Variants in ZNF469 observed in about 807,000 individuals in gnomAD.
ZNF469 encodes the protein zinc finger protein 469.
In ZNF469, 1 loss-of-function variant was observed where a neutral mutation model predicts 1.0. The ratio of observed to expected loss-of-function variants is 1.00; its 90% confidence interval spans 0.35 to 4.73. ZNF469 has a LOEUF of 4.73. Among genes scored for constraint, ZNF469 ranks in the 30% most tolerant of loss-of-function variants. ZNF469 has a pLI of 0.16. For synonymous variants in ZNF469, 2,703 were observed against 2,363.4 expected, an observed-to-expected ratio of 1.14 and a Z score of -4.17; for missense variants, 6,100 against 5,356.3, an observed-to-expected ratio of 1.14 and a Z score of -4.33.
the ZNF469 span, among the ~76,000 whole-genome samples, chr16:88,140,473 A>AGCCATGTGG: frequency 6.6e-6 from 1 of 151,240 alleles, no homozygotes; most frequent in African/African-American, 2.5e-5. Context: ...GGTAGCACGG[A>AGCCATGTGG]AAGTCAGTGA....
At chr16:88,256,886 T>TTTTCTTTTC in the ZNF469 span, among the ~76,000 whole-genome samples, 4 of 101,936 alleles carry the variant, frequency 3.9e-5, no homozygotes, top group Admixed American at 1.1e-4. Context: ...TTTTCTTTTC[T>TTTTCTTTTC]TTTCTTTCCT....
At position 88,424,084 on chromosome 16, in the gene ZNF469, G is replaced by C. The variant is rs1329753186; in HGVS notation, c.-191-723G>C. ...GACGCAGCTAGGCCCACAGCGTTTG[G>C]AGCACAGGCTGTCGCCATGTGGTGA... is the stretch of plus-strand genomic sequence containing the variant. On this transcript the variant is annotated intron_variant, in intron 1 of 2. Transcript: ENST00000565624. The surrounding 1 kb of genome is among the most constrained non-coding windows in gnomAD (Gnocchi z 4.3). Among the ~76,000 whole-genome samples, 1 of 152,240 alleles carries C rather than the reference G, an allele frequency of 6.6e-6. No individual in the cohort carries two copies. Among genetic ancestry groups the C allele is most frequent in the Admixed American group, 6.5e-5 (1 of 15,288 alleles).
the ZNF469 span, among the ~76,000 whole-genome samples, chr16:88,353,230 C>T: frequency 2.0e-5 from 3 of 152,192 alleles, no homozygotes; most frequent in African/African-American, 7.2e-5. Context: ...CCCTCTCACT[C>T]GAGACGTCAC....
the ZNF469 span, among the ~76,000 whole-genome samples, chr16:88,376,429 C>G: frequency 6.6e-6 from 1 of 152,160 alleles, no homozygotes. Flanking sequence ...GGCCGCTGTC[C>G]CTCTCCTCGC....
chr16:88,116,056 G>A, the ZNF469 span, among the ~76,000 whole-genome samples: 1,613 of 152,308 alleles, frequency 0.011, 31 homozygotes, highest in African/African-American at 0.037. Flanking sequence ...TGCAGAGCGG[G>A]GAAAGTATTC....
At chr16:88,265,234 G>C in the ZNF469 span, among the ~76,000 whole-genome samples, 1 of 152,202 alleles carries the variant, frequency 6.6e-6, no homozygotes, top group Admixed American at 6.5e-5. Flanking sequence ...CCTCCTCCAG[G>C]GGTGACTTCA....
Position 88,433,438 on chromosome 16 carries a change from G to A in ZNF469, c.5968G>A (p.Glu1990Lys), listed in dbSNP as rs1232512111. ...ACATTGGGGCTTGCTTGGCCAAGCC[G>A]AGAAAACCCAGGGCCAAGGCACAGC... is the stretch of plus-strand genomic sequence containing the variant. ...DGHWGLLGQA[E>K]KTQGQGTANQ... Residue 1990 changes from glutamate (E) to lysine (K), a missense_variant, in exon 3 of 3, where the codon GAG (glutamate) becomes AAG (lysine). Transcript: ENST00000565624. The A allele has an allele frequency of 5.5e-5, 86 of 1,550,250 alleles. No individual in the cohort carries two copies. Among genetic ancestry groups the A allele is most frequent in the Non-Finnish European group, 6.6e-5 (76 of 1,146,962 alleles).
the ZNF469 span, among the ~76,000 whole-genome samples, chr16:88,337,383 G>A: frequency 8.7e-4 from 133 of 152,296 alleles, 1 homozygote; most frequent in South Asian, 0.025. Flanking sequence ...TTGCTCTTCC[G>A]CCATGATAGT....
chr16:88,275,844 A>G, the ZNF469 span, among the ~76,000 whole-genome samples: 36,182 of 152,084 alleles, frequency 0.24, 4,951 homozygotes, highest in Middle Eastern at 0.36. Flanking sequence ...GAGGCGGGGC[A>G]CAGGGGAACA....
the ZNF469 span, among the ~76,000 whole-genome samples, chr16:88,265,207 G>C: frequency 6.6e-6 from 1 of 152,300 alleles, no homozygotes; most frequent in Non-Finnish European, 1.5e-5. Context: ...GTGAGTCACC[G>C]GCTGCTTCAG....
chr16:88,358,442 G>A, the ZNF469 span, among the ~76,000 whole-genome samples: 3 of 152,174 alleles, frequency 2.0e-5, no homozygotes, highest in African/African-American at 7.2e-5. Context: ...TCGAATGTCT[G>A]TAAAATGAAC....
At chr16:88,197,076 C>G in the ZNF469 span, among the ~76,000 whole-genome samples, 7 of 152,250 alleles carry the variant, frequency 4.6e-5, no homozygotes, top group Non-Finnish European at 1.5e-5. Context: ...AGGGATGCTT[C>G]TGGCTGGCGC....
chr16:88,273,570 C>A, the ZNF469 span, among the ~76,000 whole-genome samples: 2 of 152,150 alleles, frequency 1.3e-5, no homozygotes, highest in Non-Finnish European at 2.9e-5. Context: ...TAAATGGCAC[C>A]GCATCTGTGG....
At chr16:88,177,838 G>A in the ZNF469 span, 1 of 152,262 alleles carries the variant, frequency 6.6e-6, no homozygotes, top group African/African-American at 2.4e-5. The surrounding 1 kb of genome is among the most constrained non-coding windows in gnomAD (Gnocchi z 4.8). Context: ...CTCCCGAGTA[G>A]CTGGGACTAC....
At chr16:88,200,926 C>G in the ZNF469 span, among the ~76,000 whole-genome samples, 1 of 152,258 alleles carries the variant, frequency 6.6e-6, no homozygotes, top group Non-Finnish European at 1.5e-5. Flanking sequence ...ACGGTGGGCT[C>G]TGGCCCTGGG....
chr16:88,223,889 A>G, the ZNF469 span, among the ~76,000 whole-genome samples: 13 of 152,304 alleles, frequency 8.5e-5, no homozygotes, highest in African/African-American at 1.9e-4. Flanking sequence ...CTGTGCCCTC[A>G]TCTCACGCTC....
intron 1 of ZNF469, among the ~76,000 whole-genome samples, chr16:88,392,439 C>T (rs1372824291): frequency 2.0e-5 from 3 of 152,244 alleles, no homozygotes; most frequent in Non-Finnish European, 2.9e-5. Flanking sequence ...GAAGCCACAC[C>T]CGACTTTTGT....
the ZNF469 span, among the ~76,000 whole-genome samples, chr16:88,292,119 TGGA>T: frequency 3.3e-5 from 5 of 152,040 alleles, no homozygotes; most frequent in African/African-American, 1.2e-4. Flanking sequence ...ATGTGGGGCC[TGGA>T]GAATGGAGCA....
Position 88,428,042 on chromosome 16 carries a change from TTACCTCCACCAACTA to T in ZNF469, c.579_593del (p.Thr194_Ser198del), listed in dbSNP as rs1408814056. 5.6e-5 allele frequency: 87 copies of T among 1,549,534 alleles called. No individual in the cohort carries two copies. Among genetic ancestry groups the T allele is most frequent in the Non-Finnish European group, 7.3e-5 (84 of 1,146,778 alleles). On this transcript the variant is annotated inframe_deletion, in exon 3 of 3. Transcript: ENST00000565624. ...TGCTTCCAGGAGCCACCCTCCAGCT[TTACCTCCACCAACTA>T]TACCTCACCAAGCGCCACCCCCAGG... is the stretch of plus-strand genomic sequence containing the variant.
Sources: allele counts gnomAD v4.1 joint callset (sites outside exome capture counted in the v4.1 genomes callset), GRCh38; gene constraint gnomAD v4.1.1; non-coding constraint Gnocchi (gnomAD v3.1); transcripts MANE v1.5; gene names NCBI Gene and HGNC (gene_info 2026-07-23, HGNC 2026-07-21).